LCE2D: variants seen among roughly 807,000 people sequenced by gnomAD.
The protein encoded by LCE2D is late cornified envelope 2D.
For missense variants in LCE2D, 161 were observed against 142.9 expected (o/e 1.13, Z -0.65); for synonymous variants, 55 against 51.3 (o/e 1.07, Z -0.31).
chr1:152,664,320 G>C lies in LCE2D; in HGVS notation c.215G>C (p.Cys72Ser), dbSNP rs148290788. ...TGCAGCTCTGGGGGTGGTGGCTGCTGCCTGAGCCACCACAGGCCCCGTCTC... is the reference window on the plus strand; with the variant it reads ...TGCAGCTCTGGGGGTGGTGGCTGCTCCCTGAGCCACCACAGGCCCCGTCTC... ...GCCSSGGGGC[C>S]LSHHRPRLFH... Residue 72 changes from cysteine to serine, a missense_variant, in exon 2 of 2, where the codon TGC (cysteine) becomes TCC (serine). Physicochemically the swap from Cys to Ser is moderately radical, Grantham distance 112. Transcript: ENST00000368784. 125 of 1,613,948 alleles carry C rather than the reference G, an allele frequency of 7.7e-5. 1 individual carries two copies. Among genetic ancestry groups the C allele is most frequent in the Admixed American group, 7.0e-4 (42 of 59,998 alleles).
In LCE2D at chr1:152,664,427, G is replaced by A. The variant is rs1225252187; in HGVS notation, c.322G>A (p.Gly108Ser). The change falls in exon 2 of 2, where the codon GGC becomes AGC. Residue 108 changes from glycine to serine, a missense_variant. Gly to Ser is a moderately conservative substitution (Grantham distance 56, BLOSUM62 0). Coordinates refer to ENST00000368784, the MANE Select transcript of LCE2D (RefSeq NM_178430.4). ...CTCTGGCTGCTGCCACAGCTCTGGG[G>A]GCTGCTGCTGACCTGGGCTGCAGAA... ...GASGCCHSSG[G>S]CC 4 of 1,612,264 alleles carry A rather than the reference G, an allele frequency of 2.5e-6. No homozygotes were observed. The highest frequency in any genetic ancestry group is 1.1e-5 in the South Asian group (1 of 90,838).
At chr1:152,664,048 T>C in intron 1 of LCE2D, 37 bp from the exon 2 acceptor site, 1 of 1,589,224 alleles carries the variant, frequency 6.3e-7, no homozygotes, top group Non-Finnish European at 8.6e-7. Flanking sequence ...TGACCTTTGG[T>C]TTGAAATATT....
At position 152,664,176 on chromosome 1, in the gene LCE2D, G is replaced by A. The variant is rs1648493259; in HGVS notation, c.71G>A (p.Cys24Tyr). Residue 24 changes from cysteine (C) to tyrosine (Y), a missense_variant, in exon 2 of 2, where the codon TGT becomes TAT. Coordinates refer to ENST00000368784, the MANE Select transcript of LCE2D (RefSeq NM_178430.4). ...PKCPPKCTPK[C>Y]PPKCPPKCPP... ...TGTCCTCCCAAGTGTACCCCAAAAT[G>A]TCCACCTAAGTGTCCCCCCAAATGC... 1.9e-6 allele frequency: 3 copies of A among 1,614,010 alleles called. No individual in the cohort carries two copies. The highest frequency in any genetic ancestry group is 2.5e-6 in the Non-Finnish European group (3 of 1,180,044).
Position 152,664,461 on chromosome 1 carries a change from G to A in LCE2D, c.*23G>A. ...TGACCTGGGCTGCAGAAGAGCTCTG[G>A]TACTGAATGGTCAAAAACCTGCTAC... On this transcript the variant is annotated 3_prime_UTR_variant, in exon 2 of 2. Coordinates refer to ENST00000368784, the MANE Select transcript of LCE2D (RefSeq NM_178430.4). 1 of 1,585,484 alleles carries A rather than the reference G, an allele frequency of 6.3e-7. No individual in the cohort carries two copies. The highest frequency in any genetic ancestry group is 2.2e-5 in the East Asian group (1 of 44,678).
rs1648496541 is a variant in LCE2D at position 152,664,238 on chromosome 1, T to C, written c.133T>C (p.Ser45Pro). 2 of 1,613,990 alleles carry C rather than the reference T, an allele frequency of 1.2e-6. No individual in the cohort carries two copies. The highest frequency in any genetic ancestry group is 1.3e-5 in the African/African-American group (1 of 74,896). Residue 45 changes from serine (S) to proline (P), a missense_variant, in exon 2 of 2, where the codon TCT (serine) becomes CCT (proline). Coordinates refer to ENST00000368784, the MANE Select transcript of LCE2D (RefSeq NM_178430.4). ...QCPAPCSPAV[S>P]SCCGPSSGSC... ...CCCAGCTCCATGTTCCCCTGCAGTC[T>C]CTTCCTGCTGTGGTCCCAGCTCTGG...
chr1:152,664,278 C>T lies in LCE2D; in HGVS notation c.173C>T (p.Pro58Leu). The part of the protein sequence containing the change: ...CGPSSGSCCG[P>L]SSGGCCSSGG... The stretch of plus-strand genomic sequence containing the variant: ...CCCAGCTCTGGGAGCTGCTGTGGTC[C>T]CAGCTCTGGGGGCTGCTGCAGCTCT... The change falls in exon 2 of 2, where the codon CCC becomes CTC. Residue 58 changes from proline (P) to leucine (L), a missense_variant. Coordinates refer to ENST00000368784, the MANE Select transcript of LCE2D (RefSeq NM_178430.4). 1 of 1,614,128 alleles carries T rather than the reference C, an allele frequency of 6.2e-7. No homozygotes were observed. Among genetic ancestry groups the T allele is most frequent in the Non-Finnish European group, 8.5e-7 (1 of 1,180,020 alleles).
Position 152,664,303 on chromosome 1 carries a change from T to C in LCE2D, c.198T>C (p.Ser66=). ...CCAGCTCTGGGGGCTGCTGCAGCTC[T>C]GGGGGTGGTGGCTGCTGCCTGAGCC... ...CGPSSGGCCS[S]GGGGCCLSHH... Residue 66 remains serine (S), a synonymous_variant, in exon 2 of 2, where the codon TCT becomes TCC. Coordinates refer to ENST00000368784, the MANE Select transcript of LCE2D (RefSeq NM_178430.4). 1 of 1,613,822 alleles carries C rather than the reference T, an allele frequency of 6.2e-7. No homozygotes were observed. The highest frequency in any genetic ancestry group is 1.3e-5 in the African/African-American group (1 of 75,024).
Position 152,664,256 on chromosome 1 carries a change from A to G in LCE2D, c.151A>G (p.Ser51Gly). Residue 51 changes from serine to glycine, a missense_variant, in exon 2 of 2, where the codon AGC becomes GGC. Physicochemically the swap from Ser to Gly is moderately conservative, Grantham distance 56. Coordinates refer to ENST00000368784, the MANE Select transcript of LCE2D (RefSeq NM_178430.4). ...TGCAGTCTCTTCCTGCTGTGGTCCC[A>G]GCTCTGGGAGCTGCTGTGGTCCCAG... ...SPAVSSCCGPSSGSCCGPSSG... is the reference protein window; with the variant it reads ...SPAVSSCCGPGSGSCCGPSSG... The G allele has an allele frequency of 6.2e-7, 1 of 1,614,040 alleles. No homozygotes were observed.
rs12090614 is a variant in LCE2D at position 152,663,435 on chromosome 1, T to C, written c.-22+6T>C. On this transcript the variant is annotated splice_donor_region_variant and intron_variant, in intron 1 of 1. Coordinates refer to ENST00000368784, the MANE Select transcript of LCE2D (RefSeq NM_178430.4). ...TGCTTTTGCATGTGACCAGGGTGAG[T>C]GGCAACCTGGGATACCAGAAGGGTA... 0.056 allele frequency: 8,613 copies of C among 152,646 alleles called. 773 individuals are homozygous for C. Among genetic ancestry groups the C allele is most frequent in the African/African-American group, 0.19 (7,788 of 41,464 alleles). The allele number at this position is 152,646 out of a possible 1,614,324, so 9.5% of individuals were successfully genotyped here. A position where few individuals can be genotyped will look rare whatever the true frequency, so the allele number is the denominator to read the frequency against.
At chr1:152,663,758 C>T (rs1571064627) in intron 1 of LCE2D, among the ~76,000 whole-genome samples, 1 of 152,058 alleles carries the variant, frequency 6.6e-6, no homozygotes, top group Admixed American at 6.5e-5. Context: ...CCAGAGGATC[C>T]CTGGTGTGTC....
At chr1:152,663,692 T>A (rs1648465834) in intron 1 of LCE2D, among the ~76,000 whole-genome samples, 1 of 152,172 alleles carries the variant, frequency 6.6e-6, no homozygotes, top group South Asian at 2.1e-4. Flanking sequence ...CCATGGAAAT[T>A]GTCAAATGCT....
Position 152,664,651 on chromosome 1 carries a change from G to A in LCE2D, c.*213G>A. On this transcript the variant is annotated 3_prime_UTR_variant, in exon 2 of 2. Coordinates refer to ENST00000368784, the MANE Select transcript of LCE2D (RefSeq NM_178430.4). ...ATATTGTAATAAAGCTCTGATTTCTGACTCTTTAAATGTCTTGGTCATACT... is the reference window on the plus strand; with the variant it reads ...ATATTGTAATAAAGCTCTGATTTCTAACTCTTTAAATGTCTTGGTCATACT... 4 of 641,842 alleles carry A rather than the reference G, an allele frequency of 6.2e-6. No homozygotes were observed. The South Asian group carries it at 8.3e-5, about 13-fold the overall frequency. 39.8% of individuals were successfully genotyped at this position (641,842 alleles called of 1,614,324 possible).
At chr1:152,663,964 T>C (rs564160302) in intron 1 of LCE2D, 121 bp from the exon 2 acceptor site, 2 of 1,127,818 alleles carry the variant, frequency 1.8e-6, no homozygotes, top group South Asian at 3.2e-5. Flanking sequence ...TTCTTTCAGG[T>C]TACTGATGTG....
chr1:152,664,179 C>G lies in LCE2D; in HGVS notation c.74C>G (p.Pro25Arg). Residue 25 changes from proline (P) to arginine (R), a missense_variant, in exon 2 of 2, where the codon CCA becomes CGA. Pro to Arg is a moderately radical substitution (Grantham distance 103). Transcript: ENST00000368784. ...KCPPKCTPKCPPKCPPKCPPQ... is the reference protein window; with the variant it reads ...KCPPKCTPKCRPKCPPKCPPQ... The stretch of plus-strand genomic sequence containing the variant: ...CCTCCCAAGTGTACCCCAAAATGTC[C>G]ACCTAAGTGTCCCCCCAAATGCCCA... 6.2e-7 allele frequency: 1 copy of G among 1,614,198 alleles called. No individual in the cohort carries two copies.
rs201213696 is a variant in LCE2D at position 152,664,375 on chromosome 1, T to C, written c.270T>C (p.Asp90=). The C allele has an allele frequency of 7.4e-5, 119 of 1,608,096 alleles. 1 individual carries two copies. Among genetic ancestry groups the C allele is most frequent in the South Asian group, 4.0e-4 (36 of 90,720 alleles). The part of the protein sequence containing the change: ...LFHRRRHQSP[D]CCESEPSGAS... ...ACCGGCGCCGGCACCAGAGCCCCGA[T>C]TGCTGTGAGAGTGAACCTTCTGGGG... The change falls in exon 2 of 2, where the codon GAT becomes GAC. Residue 90 remains aspartate, a synonymous_variant. Coordinates refer to ENST00000368784, the MANE Select transcript of LCE2D (RefSeq NM_178430.4).
intron 1 of LCE2D, 113 bp from the exon 2 acceptor site, chr1:152,663,972 G>GT: frequency 8.3e-7 from 1 of 1,203,028 alleles, no homozygotes; most frequent in Admixed American, 2.6e-5. Context: ...GGTTACTGAT[G>GT]TGACTGTATT....
rs1368833182 is a variant in LCE2D at position 152,664,483 on chromosome 1, C to T, written c.*45C>T. The T allele has an allele frequency of 3.2e-6, 5 of 1,558,542 alleles. No individual in the cohort carries two copies. Among genetic ancestry groups the T allele is most frequent in the South Asian group, 1.2e-5 (1 of 80,740 alleles). ...CTGGTACTGAATGGTCAAAAACCTG[C>T]TACAGCCTGATGCTTAACTATTTCC... On this transcript the variant is annotated 3_prime_UTR_variant, in exon 2 of 2. Coordinates refer to ENST00000368784, the MANE Select transcript of LCE2D (RefSeq NM_178430.4).
At position 152,664,594 on chromosome 1, in the gene LCE2D, C is replaced by A; in HGVS notation, c.*156C>A. 1 of 1,009,232 alleles carries A rather than the reference C, an allele frequency of 9.9e-7. No individual in the cohort carries two copies. Among genetic ancestry groups the A allele is most frequent in the Non-Finnish European group, 1.4e-6 (1 of 702,024 alleles). The allele number at this position is 1,009,232 out of a possible 1,614,324, so 62.5% of individuals were successfully genotyped here. On this transcript the variant is annotated 3_prime_UTR_variant, in exon 2 of 2. Transcript: ENST00000368784. ...GAACTTTGTGCTTGATGGAGCACCC[C>A]AGATGGAAGCCTTCTTTTTCTCCTT...
At chr1:152,664,024 A>G in intron 1 of LCE2D, 61 bp from the exon 2 acceptor site, 1 of 1,545,862 alleles carries the variant, frequency 6.5e-7, no homozygotes, top group Non-Finnish European at 8.8e-7. Flanking sequence ...TTGATTTTAG[A>G]GGAGGCATAA....
Sources: gnomAD v4.1 joint callset for allele counts (sites outside exome capture counted in the v4.1 genomes callset) on GRCh38, gnomAD v4.1.1 for gene constraint, MANE v1.5 for transcripts, NCBI Gene and HGNC (gene_info 2026-07-23, HGNC 2026-07-21) for gene names.